Variants in USP7 observed in about 807,000 individuals in gnomAD.
USP7 encodes the protein ubiquitin specific peptidase 7.
In USP7, 9 loss-of-function variants were observed where a neutral mutation model predicts 162.9. The ratio of observed to expected loss-of-function variants is 0.06; its 90% CI spans 0.03 to 0.10. The LOEUF (loss-of-function observed/expected upper bound fraction) is 0.10. USP7 is among the 10% of genes least tolerant of loss of function. The pLI, the probability that USP7 is intolerant of heterozygous loss-of-function variation, is 1.00. For synonymous variants in USP7, 562 were observed against 475.9 expected (o/e 1.18, Z -2.35); for missense variants, 715 against 1,373.7 (o/e 0.52, Z 7.58).
At chr16:8,913,313 A>G (rs1033462784) in intron 10 of USP7, among the ~76,000 whole-genome samples, 1 of 152,136 alleles carries the variant, frequency 6.6e-6, no homozygotes, top group African/African-American at 2.4e-5. Context: ...CCGAGATCGC[A>G]CCACTGCACT....
intron 1 of USP7, among the ~76,000 whole-genome samples, chr16:8,941,656 G>A (rs968540040): frequency 6.6e-6 from 1 of 152,184 alleles, no homozygotes; most frequent in Non-Finnish European, 1.5e-5. Flanking sequence ...CTTGGTACCA[G>A]GAAAGACAAA....
chr16:8,949,172 T>C (rs1365590736), intron 1 of USP7, among the ~76,000 whole-genome samples: 1 of 152,252 alleles, frequency 6.6e-6, no homozygotes, highest in East Asian at 1.9e-4. Context: ...TATCTCTCAA[T>C]GAAGTTATTT....
At chr16:8,948,174 C>T (rs936151352) in intron 1 of USP7, among the ~76,000 whole-genome samples, 1 of 152,226 alleles carries the variant, frequency 6.6e-6, no homozygotes, top group African/African-American at 2.4e-5. Flanking sequence ...CACAGTTCCG[C>T]TCCCCTGATG....
chr16:8,925,459 C>A (rs1284691498), intron 2 of USP7, among the ~76,000 whole-genome samples: 2 of 152,116 alleles, frequency 1.3e-5, no homozygotes, highest in African/African-American at 4.8e-5. Context: ...TAATTCAGCT[C>A]TTTACAGGGT....
chr16:8,950,061 G>A (rs912086639), intron 1 of USP7, among the ~76,000 whole-genome samples: 1 of 152,216 alleles, frequency 6.6e-6, no homozygotes, highest in Non-Finnish European at 1.5e-5. Flanking sequence ...TGGCTGTTGT[G>A]ACAGAGGAAT....
intron 1 of USP7, among the ~76,000 whole-genome samples, chr16:8,932,083 A>G (rs1898383981): frequency 6.6e-6 from 1 of 152,058 alleles, no homozygotes. Context: ...AACTCTCCAA[A>G]ACCCCAACGC....
intron 6 of USP7, 130 bp from the exon 7 acceptor site, chr16:8,917,286 G>A: frequency 9.1e-7 from 1 of 1,097,102 alleles, no homozygotes; most frequent in South Asian, 2.1e-5. Context: ...TGTTGTTAGG[G>A]CTTTTAACGA....
At chr16:8,903,639 G>A (rs1026694026) in intron 15 of USP7, among the ~76,000 whole-genome samples, 4 of 152,146 alleles carry the variant, frequency 2.6e-5, no homozygotes, top group Non-Finnish European at 5.9e-5. Context: ...GGCCGAGGCG[G>A]GCGGATCACC....
At chr16:8,894,410 CTATTG>C in intron 30 of USP7, 135 bp downstream of exon 30, 1 of 742,334 alleles carries the variant, frequency 1.3e-6, no homozygotes, top group Non-Finnish European at 2.2e-6. Flanking sequence ...TTATGGAATG[CTATTG>C]CTCCTGGTTC....
chr16:8,913,548 G>T (rs188209985), intron 10 of USP7, among the ~76,000 whole-genome samples: 1 of 151,982 alleles, frequency 6.6e-6, no homozygotes, highest in Admixed American at 6.6e-5. Context: ...TGCCAACCTA[G>T]AAGTCTACAC....
Position 8,904,555 on chromosome 16 carries a change from T to C in USP7, c.1584A>G (p.Leu528=), listed in dbSNP as rs781378052. 48 of 1,613,918 alleles carry C rather than the reference T, an allele frequency of 3.0e-5. No homozygotes were observed. The highest frequency in any genetic ancestry group is 8.5e-7 in the Non-Finnish European group (1 of 1,180,024). Residue 528 remains leucine, a synonymous_variant, in exon 15 of 31, where the codon TTA becomes TTG. Transcript: ENST00000344836. The part of the protein sequence containing the change: ...YIRESKLSEV[L]QAVTDHDIPQ... Reference sequence around the variant, plus strand: ...GAATATCATGGTCGGTGACCGCCTGTAAAACTTCACCTGCAGGACAAAGGC... The same window carrying C: ...GAATATCATGGTCGGTGACCGCCTGCAAAACTTCACCTGCAGGACAAAGGC...
At chr16:8,956,906 T>C (rs1262585014) in intron 1 of USP7, among the ~76,000 whole-genome samples, 1 of 152,104 alleles carries the variant, frequency 6.6e-6, no homozygotes, top group Non-Finnish European at 1.5e-5. Context: ...GCCCAGCCCT[T>C]CTGGGCAGCA....
rs1342637687 is a variant in USP7, at chr16:8,893,303, T to C, written c.*695A>G. The C allele has an allele frequency of 1.3e-5, 2 of 152,238 alleles. No homozygotes were observed. The highest frequency in any genetic ancestry group is 1.3e-4 in the Admixed American group (2 of 15,272). The allele number at this position is 152,238 out of a possible 1,614,324, so 9.4% of individuals were successfully genotyped here. A position where few individuals can be genotyped will look rare whatever the true frequency, so the allele number is the denominator to read the frequency against. ...TCTGCCAAGGCAGCAGAGTAAACCT[T>C]AATTGAATTTAACAATGTTCTTGAT... is the stretch of plus-strand genomic sequence containing the variant. On this transcript the variant is annotated 3_prime_UTR_variant, in exon 31 of 31. Transcript: ENST00000344836.
At chr16:8,895,238 C>T (rs1307066906) in intron 27 of USP7, 88 bp from the exon 28 acceptor site, 5 of 1,593,348 alleles carry the variant, frequency 3.1e-6, no homozygotes, top group Non-Finnish European at 4.3e-6. Context: ...TACTCTAACC[C>T]GGAGGGTAAA....
chr16:8,945,728 A>G (rs1171878575), intron 1 of USP7, among the ~76,000 whole-genome samples: 1 of 152,066 alleles, frequency 6.6e-6, no homozygotes, highest in Non-Finnish European at 1.5e-5. Context: ...TGGAACAATA[A>G]AAGATTGAGT....
intron 1 of USP7, among the ~76,000 whole-genome samples, chr16:8,934,348 A>G (rs1898554422): frequency 6.6e-6 from 1 of 152,224 alleles, no homozygotes; most frequent in Non-Finnish European, 1.5e-5. Context: ...GTGAATTCAG[A>G]TTAGAGCTCA....
At chr16:8,905,932 G>A (rs945276156) in intron 13 of USP7, among the ~76,000 whole-genome samples, 6 of 152,112 alleles carry the variant, frequency 3.9e-5, no homozygotes, top group Admixed American at 3.9e-4. Context: ...AATCCCCTTG[G>A]CAGGAGCTCG....
chr16:8,921,609 C>A (rs1897694275), intron 3 of USP7, among the ~76,000 whole-genome samples: 1 of 152,204 alleles, frequency 6.6e-6, no homozygotes, highest in Non-Finnish European at 1.5e-5. Context: ...ATAGGGGTCA[C>A]CTCTCAGCGT....
chr16:8,960,082 AC>A (rs1208815809), intron 1 of USP7, among the ~76,000 whole-genome samples: 11 of 152,198 alleles, frequency 7.2e-5, no homozygotes, highest in African/African-American at 2.7e-4. Flanking sequence ...GAGGGCAGAG[AC>A]CCATGCAAGT....
Sources: allele counts gnomAD v4.1 joint callset (sites outside exome capture counted in the v4.1 genomes callset), GRCh38; gene constraint gnomAD v4.1.1; transcripts MANE v1.5; gene names NCBI Gene and HGNC (gene_info 2026-07-23, HGNC 2026-07-21).